PATJ: variants seen among roughly 807,000 people sequenced by gnomAD.
The protein encoded by PATJ is PATJ crumbs cell polarity complex component, also known as inaD-like protein.
Under a neutral mutation model 224.9 loss-of-function variants are expected in PATJ, and 190 were observed. The ratio of observed to expected loss-of-function variants is 0.84; its 90% CI spans 0.75 to 0.95. The LOEUF (loss-of-function observed/expected upper bound fraction) is 0.95. PATJ is among the 40% of genes least tolerant of loss of function. The pLI is 0.00. For missense variants in PATJ, 2,121 were observed against 2,270.3 expected (o/e 0.93, Z 1.34); for synonymous variants, 769 against 820.3 (o/e 0.94, Z 1.07).
chr1:61,991,761 C>A (rs899705506), intron 28 of PATJ: 1 of 981,866 alleles, frequency 1.0e-6, no homozygotes, highest in South Asian at 4.7e-5. Context: ...TCAAAGATGA[C>A]CTTATGTAAC....
chr1:61,948,067 T>A (rs912461049), intron 27 of PATJ, among the ~76,000 whole-genome samples: 6 of 152,056 alleles, frequency 3.9e-5, no homozygotes, highest in South Asian at 2.1e-4. Flanking sequence ...TTAATTCAAG[T>A]TGGATTAAAG....
intron 7 of PATJ, among the ~76,000 whole-genome samples, chr1:61,778,764 A>G (rs534488935): frequency 6.6e-5 from 10 of 152,170 alleles, no homozygotes; most frequent in Admixed American, 6.5e-4. Context: ...GCAGTGGTGC[A>G]GTCTTGGCTC....
At chr1:62,045,230 A>G (rs1652314270) in intron 30 of PATJ, among the ~76,000 whole-genome samples, 1 of 151,406 alleles carries the variant, frequency 6.6e-6, no homozygotes, top group Admixed American at 6.6e-5. Flanking sequence ...TCAAATAAAA[A>G]AAAAAAAAAG....
At chr1:61,872,362 A>G (rs1411291708) in intron 20 of PATJ, among the ~76,000 whole-genome samples, 3 of 152,190 alleles carry the variant, frequency 2.0e-5, no homozygotes, top group Non-Finnish European at 4.4e-5. Flanking sequence ...CCTGGTGACC[A>G]TGAAGCAGAC....
intron 22 of PATJ, among the ~76,000 whole-genome samples, chr1:61,895,991 T>C (rs1265379354): frequency 6.6e-6 from 1 of 152,118 alleles, no homozygotes; most frequent in Admixed American, 6.5e-5. Flanking sequence ...GGAGATCATT[T>C]TGGAGCTTTA....
chr1:61,798,193 G>GTATTTGTATTT lies in PATJ; in HGVS notation c.1402+771_1402+781dup, dbSNP rs1553163553. Among the ~76,000 whole-genome samples the GTATTTGTATTT allele has an allele frequency of 2.0e-5, 3 of 151,708 alleles. No individual in the cohort carries two copies. The East Asian group carries it at 5.9e-4, about 30-fold the overall frequency. On this transcript the variant is annotated intron_variant, in intron 11 of 43. Coordinates refer to ENST00000642238, the MANE Select transcript of PATJ (RefSeq NM_001350145.3). ...AGTATACTGAGAGAAAATAAAACAC[G>GTATTTGTATTT]TATTTGTATTTTATTTTTTTTAGAC...
chr1:62,046,509 C>T (rs966085438), intron 30 of PATJ, among the ~76,000 whole-genome samples: 4 of 152,144 alleles, frequency 2.6e-5, no homozygotes, highest in Middle Eastern at 3.4e-3. Context: ...AGTGGGGAGG[C>T]GTAGTACAGT....
In PATJ at chr1:61,790,515, G is replaced by GTTTTT. The variant is rs377372844; in HGVS notation, c.1069-825_1069-821dup. 5.4e-5 allele frequency among the ~76,000 whole-genome samples: 7 copies of GTTTTT among 129,018 alleles called. 1 individual carries two copies. Among genetic ancestry groups the GTTTTT allele is most frequent in the South Asian group, 2.4e-4 (1 of 4,190 alleles). The allele number at this position is 129,018 out of a possible 152,430, so 84.6% of individuals were successfully genotyped here. On this transcript the variant is annotated intron_variant, in intron 8 of 43. Coordinates refer to ENST00000642238, the MANE Select transcript of PATJ (RefSeq NM_001350145.3). The stretch of plus-strand genomic sequence containing the variant: ...TCTTCTTTTTCTTCTTCTTTTTTTT[G>GTTTTT]TTTTTTTTTTTTGTTTGAGACAGAG...
At chr1:61,959,712 G>A (rs1346558893) in intron 27 of PATJ, among the ~76,000 whole-genome samples, 1 of 151,978 alleles carries the variant, frequency 6.6e-6, no homozygotes, top group East Asian at 1.9e-4. Flanking sequence ...AGAGTGCTTG[G>A]AGCCATGGTT....
At position 61,746,467 on chromosome 1, in the gene PATJ, G is replaced by T. The variant is rs538269258; in HGVS notation, c.-36+3912G>T. Among the ~76,000 whole-genome samples the T allele has an allele frequency of 2.6e-5, 4 of 152,324 alleles. No homozygotes were observed. The East Asian group carries it at 7.7e-4, about 29-fold the overall frequency. On this transcript the variant is annotated intron_variant, in intron 1 of 43. Transcript: ENST00000642238. The stretch of plus-strand genomic sequence containing the variant: ...GGAGAAAAAGGAGCGAATGAAAGGA[G>T]GGGCAGGAGAGTGTCAGAGATATTT...
At chr1:62,106,045 T>TAAAAAA (rs1218285369) in intron 33 of PATJ, among the ~76,000 whole-genome samples, 3 of 30,204 alleles carry the variant, frequency 9.9e-5, no homozygotes, top group African/African-American at 5.8e-4. Context: ...AGACTCCTCT[T>TAAAAAA]AAAAAAAAAA....
chr1:61,875,135 T>C (rs2149028126), intron 20 of PATJ, 108 bp from the exon 21 acceptor site: 1 of 640,640 alleles, frequency 1.6e-6, no homozygotes, highest in East Asian at 3.0e-5. Flanking sequence ...AGAATGCCTG[T>C]TTGCAAGGCC....
chr1:62,037,439 G>A (rs1055382347), intron 29 of PATJ, among the ~76,000 whole-genome samples: 2 of 152,058 alleles, frequency 1.3e-5, no homozygotes, highest in African/African-American at 4.8e-5. Context: ...ACAAAGCATT[G>A]TCTGTCTGGA....
chr1:62,020,582 A>G (rs1436404233), intron 29 of PATJ, among the ~76,000 whole-genome samples: 1 of 152,206 alleles, frequency 6.6e-6, no homozygotes, highest in Non-Finnish European at 1.5e-5. Flanking sequence ...AGCTCCATCA[A>G]TTTACAGTCT....
chr1:62,132,084 G>A (rs915544383), intron 41 of PATJ, among the ~76,000 whole-genome samples: 3 of 152,118 alleles, frequency 2.0e-5, no homozygotes, highest in African/African-American at 4.8e-5. Flanking sequence ...CTGACCTCAA[G>A]TGATCTGCCC....
rs761133678 is a variant in PATJ at position 62,045,225 on chromosome 1, T to TA, written c.4033-5727dup. ...AACAACCGTGAAACTCCGTCTCAAA[T>TA]AAAAAAAAAAAAAAGGAAATGTTTT... is the stretch of plus-strand genomic sequence containing the variant. On this transcript the variant is annotated intron_variant, in intron 30 of 43. Coordinates refer to ENST00000642238, the MANE Select transcript of PATJ (RefSeq NM_001350145.3). 6.8e-3 allele frequency among the ~76,000 whole-genome samples: 706 copies of TA among 104,474 alleles called. 4 individuals are homozygous for TA. Among genetic ancestry groups the TA allele is most frequent in the South Asian group, 0.017 (57 of 3,414 alleles). 68.5% of individuals were successfully genotyped at this position (104,474 alleles called of 152,430 possible).
At chr1:62,035,239 T>A (rs905785506) in intron 29 of PATJ, among the ~76,000 whole-genome samples, 1 of 152,224 alleles carries the variant, frequency 6.6e-6, no homozygotes, top group African/African-American at 2.4e-5. Flanking sequence ...GCACCTGAAA[T>A]GCAGTCAGAA....
At chr1:62,006,531 A>T (rs1021726132) in intron 28 of PATJ, among the ~76,000 whole-genome samples, 2 of 152,224 alleles carry the variant, frequency 1.3e-5, no homozygotes, top group African/African-American at 4.8e-5. Context: ...CTCATTAAAG[A>T]TCTCTAAAGT....
chr1:62,128,715 G>C, intron 40 of PATJ, 126 bp from the exon 41 acceptor site: 1 of 694,050 alleles, frequency 1.4e-6, no homozygotes, highest in East Asian at 2.6e-5. Flanking sequence ...ATGCATGCAC[G>C]GTAGTAACGC....
Sources: allele counts gnomAD v4.1 joint callset (sites outside exome capture counted in the v4.1 genomes callset), GRCh38; gene constraint gnomAD v4.1.1; transcripts MANE v1.5; gene names NCBI Gene and HGNC (gene_info 2026-07-23, HGNC 2026-07-21).